METTL15: variants seen among roughly 807,000 people sequenced by gnomAD.
The protein encoded by METTL15 is methyltransferase 15, mitochondrial 12S rRNA N4-cytidine.
In METTL15, 34 loss-of-function variants were observed where a neutral mutation model predicts 38.3. The ratio of observed to expected loss-of-function variants is 0.89; its 90% CI spans 0.68 to 1.18. METTL15 has a LOEUF of 1.18. Among genes scored for constraint, METTL15 ranks in the 50% most tolerant of loss-of-function variants. METTL15 has a pLI of 0.00. For missense variants in METTL15, 438 were observed against 498.4 expected (o/e 0.88, Z 1.15); for synonymous variants, 162 against 170.9 (o/e 0.95, Z 0.41).
At chr11:28,287,612 T>C in intron 4 of METTL15, 1 of 223,078 alleles carries the variant, frequency 4.5e-6, no homozygotes, top group Non-Finnish European at 9.1e-6. Context: ...AGCCAGGACA[T>C]CCATGTGCAC....
At chr11:28,431,770 T>G (rs1590372667) in intron 6 of METTL15, among the ~76,000 whole-genome samples, 1 of 54,712 alleles carries the variant, frequency 1.8e-5, no homozygotes, top group African/African-American at 7.8e-5. Flanking sequence ...ACCCAAGAAT[T>G]ATCAATAAAA....
At chr11:28,352,992 C>T (rs189389416) in intron 4 of METTL15, among the ~76,000 whole-genome samples, 3 of 152,084 alleles carry the variant, frequency 2.0e-5, no homozygotes, top group Non-Finnish European at 4.4e-5. Flanking sequence ...TTTTGTCAGG[C>T]ATCAGTAGGG....
At chr11:28,128,816 A>G (rs1852613628) in intron 3 of METTL15, among the ~76,000 whole-genome samples, 1 of 152,124 alleles carries the variant, frequency 6.6e-6, no homozygotes, top group African/African-American at 2.4e-5. Flanking sequence ...GTGATTTGGG[A>G]TATTCTGACC....
intron 6 of METTL15, among the ~76,000 whole-genome samples, chr11:28,306,019 T>A (rs1420542597): frequency 1.3e-5 from 2 of 152,146 alleles, no homozygotes; most frequent in Admixed American, 1.3e-4. Context: ...GGACCTAATA[T>A]AATTCCAAAT....
At chr11:28,404,731 G>A (rs777586261) in intron 5 of METTL15, among the ~76,000 whole-genome samples, 3 of 152,112 alleles carry the variant, frequency 2.0e-5, no homozygotes, top group Non-Finnish European at 2.9e-5. Flanking sequence ...ATAGGCCAAC[G>A]TCGCACTGCG....
At chr11:28,525,658 T>G (rs1183723986) in intron 6 of METTL15, among the ~76,000 whole-genome samples, 1 of 152,256 alleles carries the variant, frequency 6.6e-6, no homozygotes, top group Non-Finnish European at 1.5e-5. Context: ...GAGTGCTGAT[T>G]GCTGTATTCA....
At chr11:28,208,601 A>G (rs921186951) in intron 3 of METTL15, among the ~76,000 whole-genome samples, 3 of 152,070 alleles carry the variant, frequency 2.0e-5, no homozygotes, top group African/African-American at 7.2e-5. Context: ...TTTGGGGTGG[A>G]GAGTTCTGTA....
chr11:28,493,270 G>A (rs1590393523), intron 6 of METTL15, among the ~76,000 whole-genome samples: 1 of 152,130 alleles, frequency 6.6e-6, no homozygotes, highest in East Asian at 1.9e-4. Flanking sequence ...CTTAAGGACA[G>A]AATCAGGAGT....
At chr11:28,370,226 C>A (rs1447383597) in intron 5 of METTL15, among the ~76,000 whole-genome samples, 10 of 151,962 alleles carry the variant, frequency 6.6e-5, no homozygotes, top group Admixed American at 6.6e-4. Context: ...TCTCCCCTAC[C>A]TTTCTTGGCC....
intron 3 of METTL15, among the ~76,000 whole-genome samples, chr11:28,174,740 G>A (rs117344758): frequency 0.015 from 2,194 of 151,214 alleles, 33 homozygotes; most frequent in South Asian, 0.058. Context: ...GTATGAAGCC[G>A]GGGGGCGGAG....
chr11:28,156,320 A>G (rs1341820381), intron 3 of METTL15, among the ~76,000 whole-genome samples: 1 of 152,202 alleles, frequency 6.6e-6, no homozygotes, highest in Non-Finnish European at 1.5e-5. Context: ...TAAAACAAGT[A>G]AAATGGTTAG....
intron 6 of METTL15, among the ~76,000 whole-genome samples, chr11:28,318,772 TAGTA>T (rs1849357781): frequency 6.6e-6 from 1 of 152,182 alleles, no homozygotes; most frequent in African/African-American, 2.4e-5. Context: ...GCTCCCTTCC[TAGTA>T]AGTGAGTCAA....
chr11:28,276,960 G>C (rs1247734366), intron 4 of METTL15, among the ~76,000 whole-genome samples: 1 of 152,092 alleles, frequency 6.6e-6, no homozygotes, highest in African/African-American at 2.4e-5. Context: ...TATTAAAAAG[G>C]CTAGAAGAAA....
At chr11:28,276,599 A>G (rs1855852172) in intron 4 of METTL15, among the ~76,000 whole-genome samples, 1 of 152,180 alleles carries the variant, frequency 6.6e-6, no homozygotes, top group Non-Finnish European at 1.5e-5. Context: ...TCTAAAACTC[A>G]TGTGGAACCA....
chr11:28,488,683 G>A (rs951280655), intron 6 of METTL15, among the ~76,000 whole-genome samples: 2 of 152,128 alleles, frequency 1.3e-5, no homozygotes, highest in Non-Finnish European at 2.9e-5. Context: ...ACTGTAATTT[G>A]TTTGGAATAA....
chr11:28,121,249 G>T (rs1448778806), intron 3 of METTL15, among the ~76,000 whole-genome samples: 2 of 151,816 alleles, frequency 1.3e-5, no homozygotes, highest in Non-Finnish European at 2.9e-5. Context: ...TTTCTTCTTT[G>T]CTTCCCCAGC....
chr11:28,267,064 A>C (rs1165795929), intron 4 of METTL15, among the ~76,000 whole-genome samples: 1 of 151,234 alleles, frequency 6.6e-6, no homozygotes, highest in African/African-American at 2.4e-5. Context: ...GGAGGCTGAC[A>C]CAGGAAAATC....
At chr11:28,207,146 T>C (rs944297856) in intron 3 of METTL15, among the ~76,000 whole-genome samples, 2 of 150,300 alleles carry the variant, frequency 1.3e-5, no homozygotes, top group South Asian at 2.2e-4. Context: ...CCACACTATA[T>C]TGAGTAGGAG....
intron 3 of METTL15, among the ~76,000 whole-genome samples, chr11:28,207,264 T>G (rs1304075018): frequency 6.6e-6 from 1 of 152,020 alleles, no homozygotes; most frequent in Admixed American, 6.5e-5. Context: ...ATAGCTCTTA[T>G]TATTTTGAGA....
Sources: allele counts gnomAD v4.1 joint callset (sites outside exome capture counted in the v4.1 genomes callset), GRCh38; gene constraint gnomAD v4.1.1; transcripts MANE v1.5; gene names NCBI Gene and HGNC (gene_info 2026-07-23, HGNC 2026-07-21).